Variants in CD163L1 observed in about 807,000 individuals in gnomAD.
CD163L1 encodes CD163 molecule like 1, also known as scavenger receptor cysteine-rich type 1 protein M160.
CD163L1 carries 124 observed loss-of-function variants against 165.4 expected under a neutral mutation model. The observed-to-expected ratio is 0.75, with a 90% CI of 0.65 to 0.87. CD163L1 has a LOEUF of 0.87. CD163L1 is among the 40% of genes least tolerant of loss of function. CD163L1 has a pLI of 0.00. For missense variants in CD163L1, 1,525 were observed against 1,799.9 expected, an observed-to-expected ratio of 0.85 and a Z score of 2.76; for synonymous variants, 585 against 662.2, an observed-to-expected ratio of 0.88 and a Z score of 1.79.
chr12:7,356,052 A>C (rs990315956), intron 19 of CD163L1, among the ~76,000 whole-genome samples: 8 of 152,302 alleles, frequency 5.3e-5, no homozygotes, highest in Non-Finnish European at 1.5e-5. Flanking sequence ...CTTTAAAAAC[A>C]ACACATAGTA....
chr12:7,440,677 A>G (rs1591977929), intron 2 of CD163L1, among the ~76,000 whole-genome samples: 1 of 139,912 alleles, frequency 7.1e-6, no homozygotes, highest in African/African-American at 2.7e-5. Context: ...CCCAGGCTGG[A>G]GTGTAGGGGC....
the CD163L1 span, chr12:7,322,464 C>G: frequency 1.2e-6 from 2 of 1,613,880 alleles, no homozygotes; most frequent in Non-Finnish European, 1.7e-6. Context: ...AGGGGAGCCA[C>G]TCAACCCAGA....
At position 7,405,405 on chromosome 12, in the gene CD163L1, TA is replaced by T. The variant is rs767773210; in HGVS notation, c.1087+1126del. On this transcript the variant is annotated intron_variant, in intron 5 of 19. Coordinates refer to ENST00000313599, the MANE Select transcript of CD163L1 (RefSeq NM_174941.6). The stretch of plus-strand genomic sequence containing the variant: ...CTTATAAAATGATGGATTGATTAAA[TA>T]TACTATGGGAAACTCTTTTGAATGG... Among the ~76,000 whole-genome samples, 4 of 152,266 alleles carry T rather than the reference TA, an allele frequency of 2.6e-5. No homozygotes were observed. In the South Asian group the frequency reaches 8.3e-4, roughly 32 times the overall value.
intron 2 of CD163L1, chr12:7,439,437 T>A: frequency 6.3e-7 from 1 of 1,584,314 alleles, no homozygotes; most frequent in South Asian, 1.2e-5. Flanking sequence ...TCTCCAGGTC[T>A]GGTTTGGACT....
At chr12:7,410,625 G>A (rs1306621525) in intron 4 of CD163L1, among the ~76,000 whole-genome samples, 6 of 132,982 alleles carry the variant, frequency 4.5e-5, no homozygotes, top group Non-Finnish European at 6.2e-5. Flanking sequence ...AAAGGAGAGC[G>A]ACGAGACCAT....
intron 4 of CD163L1, among the ~76,000 whole-genome samples, chr12:7,422,670 A>G (rs1389163976): frequency 6.7e-6 from 1 of 149,530 alleles, no homozygotes; most frequent in Non-Finnish European, 1.5e-5. Context: ...ATCTCATATC[A>G]TAACTATCTC....
chr12:7,328,313 G>T, the CD163L1 span: 5 of 1,592,556 alleles, frequency 3.1e-6, no homozygotes, highest in South Asian at 1.1e-5. Context: ...AACTCCCAAA[G>T]ACAATCACTG....
At chr12:7,418,945 A>C (rs1240706457) in intron 4 of CD163L1, among the ~76,000 whole-genome samples, 1 of 152,140 alleles carries the variant, frequency 6.6e-6, no homozygotes, top group Non-Finnish European at 1.5e-5. Flanking sequence ...AATCTATCAG[A>C]TATTCAAAGA....
intron 18 of CD163L1, among the ~76,000 whole-genome samples, chr12:7,361,565 G>A (rs1946892134): frequency 6.6e-6 from 1 of 152,102 alleles, no homozygotes; most frequent in South Asian, 2.1e-4. Context: ...AACTGGACTA[G>A]GGCTAGGGTG....
intron 8 of CD163L1, 125 bp from the exon 9 acceptor site, chr12:7,379,423 T>C (rs768198927): frequency 1.2e-6 from 1 of 839,656 alleles, no homozygotes; most frequent in South Asian, 2.4e-5. Flanking sequence ...AGGTCCCGGC[T>C]TCACCAGTGT....
At chr12:7,442,756 C>G (rs1179835746) in intron 1 of CD163L1, among the ~76,000 whole-genome samples, 1 of 152,008 alleles carries the variant, frequency 6.6e-6, no homozygotes, top group East Asian at 1.9e-4. Flanking sequence ...CCTAGGAGGC[C>G]ATTTCATCTT....
chr12:7,340,166 C>A, the CD163L1 span, among the ~76,000 whole-genome samples: 1 of 152,068 alleles, frequency 6.6e-6, no homozygotes, highest in African/African-American at 2.4e-5. Context: ...TGGATATGTC[C>A]TATAGATACC....
downstream of CD163L1, among the ~76,000 whole-genome samples, chr12:7,352,246 C>CA (rs1326240444): frequency 1.3e-5 from 2 of 151,844 alleles, no homozygotes; most frequent in African/African-American, 4.8e-5. Context: ...TGACCAAAGG[C>CA]AAAAAATAGT....
Position 7,403,724 on chromosome 12 carries a change from A to T in CD163L1, c.1219T>A (p.Cys407Ser), listed in dbSNP as rs374265222. 9.3e-6 allele frequency: 15 copies of T among 1,613,958 alleles called. No individual in the cohort carries two copies. The highest frequency in any genetic ancestry group is 1.3e-5 in the Non-Finnish European group (15 of 1,179,976). The stretch of plus-strand genomic sequence containing the variant: ...CTGAACGGACATCCTAGCTGCTTAC[A>T]AACCACAAGGGCTTGTTCATTCTTC... ...NWKNEQALVV[C>S]KQLGCPFSVF... The change falls in exon 6 of 20, where the codon TGT (cysteine) becomes AGT (serine). Residue 407 changes from cysteine to serine, a missense_variant. Coordinates refer to ENST00000313599, the MANE Select transcript of CD163L1 (RefSeq NM_174941.6).
chr12:7,355,691 G>T (rs1200300648), intron 19 of CD163L1, among the ~76,000 whole-genome samples: 2 of 152,100 alleles, frequency 1.3e-5, no homozygotes, highest in Non-Finnish European at 2.9e-5. Context: ...CTTCAAAGAG[G>T]TAATTAAGGT....
In CD163L1 at chr12:7,357,273, A is replaced by G; in HGVS notation, c.*24+107T>C. 17 of 649,392 alleles carry G rather than the reference A, an allele frequency of 2.6e-5. No individual in the cohort carries two copies. In the South Asian group the frequency reaches 3.4e-4, roughly 13 times the overall value. The allele number at this position is 649,392 out of a possible 1,614,324, so 40.2% of individuals were successfully genotyped here. A position where few individuals can be genotyped will look rare whatever the true frequency, so the allele number is the denominator to read the frequency against. Reference sequence around the variant, plus strand: ...ATTTGAAATACTGGGGATATGAACCAGTGACATAATATATGGTAATATAAA... The same window carrying G: ...ATTTGAAATACTGGGGATATGAACCGGTGACATAATATATGGTAATATAAA... On this transcript the variant is annotated intron_variant, in intron 19 of 19. Transcript: ENST00000313599.
the CD163L1 span, among the ~76,000 whole-genome samples, chr12:7,319,423 C>T: frequency 6.6e-6 from 1 of 151,904 alleles, no homozygotes; most frequent in Non-Finnish European, 1.5e-5. Context: ...AACCTCGTCT[C>T]TACTAAAAAT....
At chr12:7,383,245 C>T (rs1351586006) in intron 8 of CD163L1, among the ~76,000 whole-genome samples, 1 of 152,128 alleles carries the variant, frequency 6.6e-6, no homozygotes, top group Non-Finnish European at 1.5e-5. Flanking sequence ...CATCAGTAGC[C>T]TTGAGGACAG....
intron 4 of CD163L1, among the ~76,000 whole-genome samples, chr12:7,425,176 A>G (rs1346956398): frequency 3.3e-5 from 5 of 152,126 alleles, no homozygotes; most frequent in African/African-American, 1.2e-4. Flanking sequence ...CAGAAAGAAC[A>G]CAACACATCT....
Sources: allele counts gnomAD v4.1 joint callset (sites outside exome capture counted in the v4.1 genomes callset), GRCh38; gene constraint gnomAD v4.1.1; transcripts MANE v1.5; gene names NCBI Gene and HGNC (gene_info 2026-07-23, HGNC 2026-07-21).